The following SLC38A3 variants were observed in gnomAD, a reference collection of about 807,000 sequenced individuals.
SLC38A3 encodes sodium-coupled neutral amino acid transporter 3.
SLC38A3 carries 17 observed loss-of-function variants against 59.5 expected under a neutral mutation model. The observed-to-expected ratio is 0.29, with a 90% CI of 0.20 to 0.43. The LOEUF is 0.43. Among genes scored for constraint, SLC38A3 ranks in the 20% least tolerant of loss-of-function variants. The pLI is 1.00. For synonymous variants in SLC38A3, 238 were observed against 260.3 expected, an observed-to-expected ratio of 0.91 and a Z score of 0.82; for missense variants, 454 against 653.9, an observed-to-expected ratio of 0.69 and a Z score of 3.33.
chr3:50,217,910 T>C lies in SLC38A3; in HGVS notation c.856-7T>C, dbSNP rs1575426961. On this transcript the variant is annotated splice_region_variant and splice_polypyrimidine_tract_variant and intron_variant, in intron 10 of 15. Coordinates refer to ENST00000614032, the MANE Select transcript of SLC38A3 (RefSeq NM_006841.6). This position sits in a 1 kb window ranked among gnomAD's most constrained non-coding sequence, Gnocchi z 4.9. The stretch of plus-strand genomic sequence containing the variant: ...GACTGCCTTGACACAGCCCCGTGTT[T>C]CCCCAGACAGCATACACCATCCCCA... The C allele has an allele frequency of 1.9e-6, 3 of 1,613,954 alleles. No individual in the cohort carries two copies. The South Asian group carries it at 3.3e-5, about 18-fold the overall frequency.
At chr3:50,209,841 C>T (rs1699699583) in intron 1 of SLC38A3, among the ~76,000 whole-genome samples, 1 of 152,078 alleles carries the variant, frequency 6.6e-6, no homozygotes, top group South Asian at 2.1e-4. Flanking sequence ...GTTCTCTGGG[C>T]CATCTGCCTT....
rs587725652 is a variant in SLC38A3 at position 50,220,664 on chromosome 3, G to A, written c.*487G>A. 62 of 183,222 alleles carry A rather than the reference G, an allele frequency of 3.4e-4. 1 individual carries two copies. The highest frequency in any genetic ancestry group is 2.3e-3 in the Admixed American group (44 of 18,784). 11.3% of individuals were successfully genotyped at this position (183,222 alleles called of 1,614,324 possible). The stretch of plus-strand genomic sequence containing the variant: ...CCCTTTTCAGACTCCTGGGCCCTTG[G>A]ATACTCTTCTCCCATCTCCCTTCAC... On this transcript the variant is annotated 3_prime_UTR_variant, in exon 16 of 16. Transcript: ENST00000614032.
chr3:50,218,352 G>A lies in SLC38A3; in HGVS notation c.1018G>A (p.Gly340Ser), dbSNP rs775182956. ...YIMYFLAALF[G>S]YLTFYNGVES... ...CATGTACTTCCTGGCTGCCCTCTTC[G>A]GCTACCTCACCTTCTACAGTACGGT... Residue 340 changes from glycine (G) to serine (S), a missense_variant, in exon 12 of 16, where the codon GGC (glycine) becomes AGC (serine). By Grantham distance (56) the Gly-to-Ser change is moderately conservative (BLOSUM62 0). Coordinates refer to ENST00000614032, the MANE Select transcript of SLC38A3 (RefSeq NM_006841.6). This position sits in a 1 kb window ranked among gnomAD's most constrained non-coding sequence, Gnocchi z 5.8. 2 of 1,611,608 alleles carry A rather than the reference G, an allele frequency of 1.2e-6. No homozygotes were observed. Among genetic ancestry groups the A allele is most frequent in the East Asian group, 2.2e-5 (1 of 44,862 alleles).
Position 50,214,957 on chromosome 3 carries a change from G to T in SLC38A3, c.299+189G>T. Reference sequence around the variant, plus strand: ...AATATACCTCACTGCCCAGTAAACCGACTGAGGTCACAACACAGGCCGGTC... The same window carrying T: ...AATATACCTCACTGCCCAGTAAACCTACTGAGGTCACAACACAGGCCGGTC... On this transcript the variant is annotated intron_variant, in intron 4 of 15. Transcript: ENST00000614032. This position sits in a 1 kb window ranked among gnomAD's most constrained non-coding sequence, Gnocchi z 6.0. 1.6e-6 allele frequency: 1 copy of T among 613,748 alleles called. No homozygotes were observed. The highest frequency in any genetic ancestry group is 2.9e-6 in the Non-Finnish European group (1 of 347,014). The allele number at this position is 613,748 out of a possible 1,614,324, so 38.0% of individuals were successfully genotyped here.
intron 7 of SLC38A3, among the ~76,000 whole-genome samples, chr3:50,216,604 C>A (rs1294276243): frequency 1.3e-5 from 2 of 152,188 alleles, no homozygotes; most frequent in Non-Finnish European, 2.9e-5. Flanking sequence ...CCTCCTCCCA[C>A]CCACCTCCAT....
chr3:50,213,692 G>T (rs1407401576), intron 1 of SLC38A3, among the ~76,000 whole-genome samples: 1 of 152,244 alleles, frequency 6.6e-6, no homozygotes, highest in African/African-American at 2.4e-5. Context: ...TTGGGCAGGA[G>T]GCCCCTGGAC....
chr3:50,211,107 C>G (rs1454971873), intron 1 of SLC38A3, among the ~76,000 whole-genome samples: 1 of 152,242 alleles, frequency 6.6e-6, no homozygotes, highest in Non-Finnish European at 1.5e-5. Context: ...TCTGGGCTTT[C>G]ACCACAGGGG....
chr3:50,210,125 C>T (rs1029444442), intron 1 of SLC38A3, among the ~76,000 whole-genome samples: 10 of 152,158 alleles, frequency 6.6e-5, no homozygotes, highest in African/African-American at 1.7e-4. Flanking sequence ...GGTTTCCCCC[C>T]TTACTAACAC....
chr3:50,218,984 G>GC lies in SLC38A3; in HGVS notation c.1306+40dup. The stretch of plus-strand genomic sequence containing the variant: ...GGCCCTGCTGTGGAAGCAGGGTATT[G>GC]CCCCAGAGGATTTCAACTCTGCAAA... On this transcript the variant is annotated intron_variant, in intron 14 of 15. Coordinates refer to ENST00000614032, the MANE Select transcript of SLC38A3 (RefSeq NM_006841.6). The surrounding 1 kb of genome is among the most constrained non-coding windows in gnomAD (Gnocchi z 5.8). 6.3e-7 allele frequency: 1 copy of GC among 1,588,900 alleles called. No individual in the cohort carries two copies. Among genetic ancestry groups the GC allele is most frequent in the Non-Finnish European group, 8.6e-7 (1 of 1,161,040 alleles).
chr3:50,208,327 A>C (rs1303060885), intron 1 of SLC38A3, among the ~76,000 whole-genome samples: 1 of 138,808 alleles, frequency 7.2e-6, no homozygotes, highest in Non-Finnish European at 1.5e-5. Context: ...CAGCGGCGTG[A>C]TCTTGGTTCA....
chr3:50,206,017 G>A (rs1289697624), intron 1 of SLC38A3, among the ~76,000 whole-genome samples: 1 of 152,254 alleles, frequency 6.6e-6, no homozygotes, highest in African/African-American at 2.4e-5. Flanking sequence ...CGCCGTGCGA[G>A]CTCCTCCCCA....
intron 1 of SLC38A3, among the ~76,000 whole-genome samples, chr3:50,209,648 C>CAAAAAAA (rs113482440): frequency 8.7e-6 from 1 of 114,926 alleles, no homozygotes; most frequent in African/African-American, 3.3e-5. Context: ...GACTCCGTCT[C>CAAAAAAA]AAAAAAAAAA....
At position 50,215,727 on chromosome 3, in the gene SLC38A3, C is replaced by T; in HGVS notation, c.467-13C>T. On this transcript the variant is annotated splice_polypyrimidine_tract_variant and intron_variant, in intron 6 of 15. Coordinates refer to ENST00000614032, the MANE Select transcript of SLC38A3 (RefSeq NM_006841.6). This position sits in a 1 kb window ranked among gnomAD's most constrained non-coding sequence, Gnocchi z 7.1. ...TGACCTCAGCGCCTGCCTGCCCGCC[C>T]CTCTCCCCACAGCCATGTCCAGCTA... 1.2e-6 allele frequency: 2 copies of T among 1,605,016 alleles called. No individual in the cohort carries two copies. Among genetic ancestry groups the T allele is most frequent in the East Asian group, 2.3e-5 (1 of 44,430 alleles).
At chr3:50,213,607 C>T (rs964598974) in intron 1 of SLC38A3, among the ~76,000 whole-genome samples, 1 of 152,224 alleles carries the variant, frequency 6.6e-6, no homozygotes, top group Non-Finnish European at 1.5e-5. Context: ...CAGTGCCCGC[C>T]GGGCGGCTGG....
intron 1 of SLC38A3, chr3:50,208,100 T>C (rs1342147893): frequency 6.6e-6 from 1 of 152,376 alleles, no homozygotes; most frequent in African/African-American, 2.4e-5. Flanking sequence ...ACCTGCTCTG[T>C]GGGGACCTGG....
In SLC38A3 at chr3:50,215,536, T is replaced by C. The variant is rs936479421; in HGVS notation, c.374-8T>C. On this transcript the variant is annotated splice_polypyrimidine_tract_variant and splice_region_variant and intron_variant, in intron 5 of 15. Coordinates refer to ENST00000614032, the MANE Select transcript of SLC38A3 (RefSeq NM_006841.6). This position sits in a 1 kb window ranked among gnomAD's most constrained non-coding sequence, Gnocchi z 7.1. The stretch of plus-strand genomic sequence containing the variant: ...CAAGCTCCTGACTTCTTGACCCTGC[T>C]CCTGCAGGCATCCGTGCCTATGAGC... 6.2e-7 allele frequency: 1 copy of C among 1,613,852 alleles called. No homozygotes were observed. The highest frequency in any genetic ancestry group is 8.5e-7 in the Non-Finnish European group (1 of 1,179,824).
chr3:50,209,650 A>G (rs1699696736), intron 1 of SLC38A3, among the ~76,000 whole-genome samples: 2 of 150,054 alleles, frequency 1.3e-5, no homozygotes, highest in Non-Finnish European at 3.0e-5. Flanking sequence ...CTCCGTCTCA[A>G]AAAAAAAAAA....
Position 50,220,276 on chromosome 3 carries a change from C to T in SLC38A3, c.*99C>T, listed in dbSNP as rs1317093667. On this transcript the variant is annotated 3_prime_UTR_variant, in exon 16 of 16. Transcript: ENST00000614032. The stretch of plus-strand genomic sequence containing the variant: ...GTGGCCAGTCGGGGGAGGAGAAAGA[C>T]GCGATTAACACTGTGGCATTCAGCC... 11 of 893,414 alleles carry T rather than the reference C, an allele frequency of 1.2e-5. No homozygotes were observed. The highest frequency in any genetic ancestry group is 4.3e-5 in the South Asian group (3 of 69,260). 55.3% of individuals were successfully genotyped at this position (893,414 alleles called of 1,614,324 possible).
chr3:50,205,807 G>A (rs900752237), intron 1 of SLC38A3, among the ~76,000 whole-genome samples: 1 of 152,262 alleles, frequency 6.6e-6, no homozygotes, highest in East Asian at 1.9e-4. Context: ...CGCCTGACAG[G>A]CAGAGCAGCC....
Sources: allele counts gnomAD v4.1 joint callset (sites outside exome capture counted in the v4.1 genomes callset), GRCh38; gene constraint gnomAD v4.1.1; non-coding constraint Gnocchi (gnomAD v3.1); transcripts MANE v1.5; gene names NCBI Gene and HGNC (gene_info 2026-07-23, HGNC 2026-07-21).